Variants in PPIL3 observed in about 807,000 individuals in gnomAD.
The protein encoded by PPIL3 is peptidyl-prolyl cis-trans isomerase-like 3.
PPIL3 carries 13 observed loss-of-function variants against 20.9 expected under a neutral mutation model. The ratio of observed to expected loss-of-function variants is 0.62; its 90% confidence interval spans 0.40 to 0.99. The LOEUF (loss-of-function observed/expected upper bound fraction) is 0.99, where lower values mean the gene tolerates loss of function less well. Among genes scored for constraint, PPIL3 ranks in the 50% least tolerant of loss-of-function variants. The pLI is 0.00. For synonymous variants in PPIL3, 71 were observed against 64.4 expected (o/e 1.10, Z -0.49); for missense variants, 170 against 195.2 (o/e 0.87, Z 0.77).
intron 3 of PPIL3, chr2:200,885,386 T>C (rs542025068): frequency 1.5e-4 from 50 of 335,514 alleles, no homozygotes; most frequent in African/African-American, 9.9e-4. Context: ...AAAATAATAA[T>C]AAATAAATAA....
intron 5 of PPIL3, among the ~76,000 whole-genome samples, chr2:200,879,254 G>T (rs2039628154): frequency 6.6e-6 from 1 of 152,016 alleles, no homozygotes; most frequent in Admixed American, 6.6e-5. Flanking sequence ...AAGTAGCTGG[G>T]ACTACAGGCA....
chr2:200,889,026 AGG>A lies in PPIL3; in HGVS notation c.-143_-142del. The A allele has an allele frequency of 4.2e-6, 2 of 471,234 alleles. No individual in the cohort carries two copies. Among genetic ancestry groups the A allele is most frequent in the Non-Finnish European group, 8.8e-6 (2 of 227,072 alleles). The allele number at this position is 471,234 out of a possible 1,614,324, so 29.2% of individuals were successfully genotyped here. Reference sequence around the variant, plus strand: ...AAAATGCAATCGCAGATGCCAGCAGAGGTCTGTTGGTTCAAAATTATAGTTTC... The same window carrying A: ...AAAATGCAATCGCAGATGCCAGCAGATCTGTTGGTTCAAAATTATAGTTTC... On this transcript the variant is annotated 5_prime_UTR_variant, in exon 1 of 7. Transcript: ENST00000392283.
chr2:200,873,545 A>G (rs2039392170), intron 6 of PPIL3, among the ~76,000 whole-genome samples: 1 of 152,162 alleles, frequency 6.6e-6, no homozygotes, highest in South Asian at 2.1e-4. Context: ...TAATAAAAAT[A>G]GGAGAAGAGA....
Position 200,876,963 on chromosome 2 carries a change from A to G in PPIL3, c.315T>C (p.Tyr105=), listed in dbSNP as rs1213153424. 1 of 1,613,846 alleles carries G rather than the reference A, an allele frequency of 6.2e-7. No homozygotes were observed. The highest frequency in any genetic ancestry group is 2.2e-5 in the East Asian group (1 of 44,884). The change falls in exon 6 of 7, where the codon TAT becomes TAC. Residue 105 remains tyrosine (Y), a synonymous_variant. Transcript: ENST00000392283. ...TCATGTCCAAATGTGGCTGTTTGCCATAGGTGATGAAGAACTGAGATCCAT... is the reference window on the plus strand; with the variant it reads ...TCATGTCCAAATGTGGCTGTTTGCCGTAGGTGATGAAGAACTGAGATCCAT... ...NTNGSQFFIT[Y]GKQPHLDMKY...
At chr2:200,878,908 T>G (rs919720745) in intron 5 of PPIL3, among the ~76,000 whole-genome samples, 2 of 152,206 alleles carry the variant, frequency 1.3e-5, no homozygotes, top group African/African-American at 4.8e-5. Flanking sequence ...ATCCACAATC[T>G]ACATAGTGAT....
chr2:200,877,190 G>A (rs930266111), intron 5 of PPIL3, among the ~76,000 whole-genome samples, 153 bp from the exon 6 acceptor site: 4 of 152,076 alleles, frequency 2.6e-5, no homozygotes, highest in Non-Finnish European at 5.9e-5. Flanking sequence ...CTAACTCCTA[G>A]GCTCAAGTGA....
chr2:200,874,138 G>GA (rs1289317331), intron 6 of PPIL3, among the ~76,000 whole-genome samples: 2 of 150,026 alleles, frequency 1.3e-5, no homozygotes, highest in African/African-American at 4.9e-5. Flanking sequence ...CCAGGAGGGT[G>GA]AGCTTGCAGT....
rs557351713 is a variant in PPIL3, at chr2:200,873,976, C to A, written c.360-2455G>T. Among the ~76,000 whole-genome samples, 375 of 151,296 alleles carry A rather than the reference C, an allele frequency of 2.5e-3. 3 individuals carry two copies. The highest frequency in any genetic ancestry group is 8.7e-3 in the African/African-American group (361 of 41,370). ...ATCTCAGCACTTTGGGAGGCCAAGG[C>A]GGGCGGATCACGAGGTCGGGAGATT... On this transcript the variant is annotated intron_variant, in intron 6 of 6. Transcript: ENST00000392283.
chr2:200,873,643 T>C (rs182667259), intron 6 of PPIL3, among the ~76,000 whole-genome samples: 38 of 151,640 alleles, frequency 2.5e-4, no homozygotes, highest in Admixed American at 2.0e-3. Context: ...AATACAAGTT[T>C]TGGAAATTTC....
At chr2:200,887,738 C>A in intron 1 of PPIL3, 53 bp from the exon 2 acceptor site, 2 of 754,576 alleles carry the variant, frequency 2.7e-6, no homozygotes, top group Admixed American at 2.6e-5. Flanking sequence ...TTAACTCACA[C>A]ACGCTCATCT....
intron 5 of PPIL3, among the ~76,000 whole-genome samples, chr2:200,879,239 C>T (rs561689559): frequency 1.2e-4 from 19 of 152,134 alleles, no homozygotes; most frequent in Non-Finnish European, 2.6e-4. Context: ...CTGCCTCAGC[C>T]TCCCAAGTAG....
At chr2:200,878,995 C>T (rs563901462) in intron 5 of PPIL3, among the ~76,000 whole-genome samples, 4 of 152,298 alleles carry the variant, frequency 2.6e-5, no homozygotes, top group Non-Finnish European at 5.9e-5. Flanking sequence ...CACTCCTGTA[C>T]ATGTCTCTTG....
At chr2:200,876,810 A>G in intron 6 of PPIL3, 109 bp downstream of exon 6, 1 of 848,670 alleles carries the variant, frequency 1.2e-6, no homozygotes, top group Non-Finnish European at 2.0e-6. Flanking sequence ...GGTGTGAGGC[A>G]CTGCGCTCGG....
intron 5 of PPIL3, among the ~76,000 whole-genome samples, 198 bp from the exon 6 acceptor site, chr2:200,877,235 C>T (rs1417088205): frequency 6.6e-6 from 1 of 152,140 alleles, no homozygotes; most frequent in Non-Finnish European, 1.5e-5. Flanking sequence ...GTTGGGATTA[C>T]AGGTGTGAAT....
chr2:200,876,924 A>C lies in PPIL3; in HGVS notation c.354T>G (p.Phe118Leu), dbSNP rs780352345. 1 of 1,598,862 alleles carries C rather than the reference A, an allele frequency of 6.3e-7. No individual in the cohort carries two copies. The highest frequency in any genetic ancestry group is 8.6e-7 in the Non-Finnish European group (1 of 1,166,154). Residue 118 changes from phenylalanine to leucine, a missense_variant, in exon 6 of 7, where the codon TTT becomes TTG. Transcript: ENST00000392283. ...ACCATAACCAGAATACTCACTTTCC[A>C]AATACGGTGTATTTCATGTCCAAAT... The part of the protein sequence containing the change: ...QPHLDMKYTV[F>L]GKVIDGLETL...
chr2:200,872,813 C>T (rs1005470214), intron 6 of PPIL3, among the ~76,000 whole-genome samples: 8 of 151,860 alleles, frequency 5.3e-5, no homozygotes, highest in Non-Finnish European at 1.0e-4. Context: ...GTAGATGACA[C>T]TATTAGCAAT....
At chr2:200,888,321 T>G (rs2040046086) in intron 1 of PPIL3, 1 of 152,182 alleles carries the variant, frequency 6.6e-6, no homozygotes, top group African/African-American at 2.4e-5. Context: ...AATGTCAAGT[T>G]TAACTGACCT....
rs1288100513 is a variant in PPIL3 at position 200,882,336 on chromosome 2, A to T, written c.172+6T>A. The T allele has an allele frequency of 6.5e-7, 1 of 1,547,062 alleles. No individual in the cohort carries two copies. The highest frequency in any genetic ancestry group is 1.7e-5 in the Admixed American group (1 of 59,858). On this transcript the variant is annotated splice_donor_region_variant and intron_variant, in intron 4 of 6. Coordinates refer to ENST00000392283, the MANE Select transcript of PPIL3 (RefSeq NM_130906.3). ...TCCTTAGATCTTGGTTAATGGAATAACTTACCTGTTGGATCTCCTGTTTGA... is the reference window on the plus strand; with the variant it reads ...TCCTTAGATCTTGGTTAATGGAATATCTTACCTGTTGGATCTCCTGTTTGA...
rs768242863 is a variant in PPIL3 at position 200,871,392 on chromosome 2, T to C, written c.*3A>G. 5 of 1,608,808 alleles carry C rather than the reference T, an allele frequency of 3.1e-6. No homozygotes were observed. Among genetic ancestry groups the C allele is most frequent in the East Asian group, 2.2e-5 (1 of 44,784 alleles). ...TCAAGTTATTTGTCCAGGTCTATCA[T>C]AGCTACTGAGCAAATGGGTTGGCAT... On this transcript the variant is annotated 3_prime_UTR_variant, in exon 7 of 7. Transcript: ENST00000392283.
Sources: gnomAD v4.1 joint callset for allele counts (sites outside exome capture counted in the v4.1 genomes callset) on GRCh38, gnomAD v4.1.1 for gene constraint, MANE v1.5 for transcripts, NCBI Gene and HGNC (gene_info 2026-07-23, HGNC 2026-07-21) for gene names.